Variants in CHST11 observed in about 807,000 individuals in gnomAD.
The protein encoded by CHST11 is C4S-1.
In CHST11, 9 loss-of-function variants were observed where a neutral mutation model predicts 30.4. That is an observed-to-expected ratio of 0.30 (90% confidence interval 0.18 to 0.52). The LOEUF (loss-of-function observed/expected upper bound fraction) is 0.52, where lower values mean the gene tolerates loss of function less well. Ranked by LOEUF, CHST11 falls within the 20% of genes least tolerant of loss-of-function variation. The pLI is 0.97. For synonymous variants in CHST11, 152 were observed against 187.8 expected (o/e 0.81, Z 1.56); for missense variants, 348 against 460.6 (o/e 0.76, Z 2.24).
intron 2 of CHST11, among the ~76,000 whole-genome samples, chr12:104,626,850 A>G (rs1268221851): frequency 2.6e-5 from 4 of 152,030 alleles, no homozygotes; most frequent in African/African-American, 9.7e-5. Context: ...ATGAACCTGT[A>G]TTGACATGTC....
intron 2 of CHST11, among the ~76,000 whole-genome samples, chr12:104,677,808 G>T (rs568627386): frequency 4.6e-5 from 7 of 152,358 alleles, no homozygotes; most frequent in African/African-American, 1.7e-4. Context: ...TTTCCAAGGG[G>T]CCCTGCTTGC....
chr12:104,732,981 C>T (rs542222100), intron 2 of CHST11, among the ~76,000 whole-genome samples: 1 of 152,254 alleles, frequency 6.6e-6, no homozygotes, highest in Non-Finnish European at 1.5e-5. Flanking sequence ...TGACATGCAT[C>T]GTCTCACTTA....
chr12:104,757,231 A>T lies in CHST11; in HGVS notation c.487A>T (p.Thr163Ser), dbSNP rs2040485565. Residue 163 changes from threonine (T) to serine (S), a missense_variant, in exon 3 of 3, where the codon ACC becomes TCC. Coordinates refer to ENST00000303694, the MANE Select transcript of CHST11 (RefSeq NM_018413.6). This position sits in a 1 kb window ranked among gnomAD's most constrained non-coding sequence, Gnocchi z 6.5. Reference protein sequence around the residue: ...NEAHVSANLKTLNQYSIPEIN... With the variant: ...NEAHVSANLKSLNQYSIPEIN... The stretch of plus-strand genomic sequence containing the variant: ...GGCACACGTCTCCGCCAACCTGAAG[A>T]CCCTGAACCAGTACAGCATCCCAGA... 2 of 1,613,898 alleles carry T rather than the reference A, an allele frequency of 1.2e-6. No homozygotes were observed. The highest frequency in any genetic ancestry group is 1.7e-6 in the Non-Finnish European group (2 of 1,180,006).
chr12:104,692,611 A>G (rs749083664), intron 2 of CHST11, among the ~76,000 whole-genome samples: 2 of 152,134 alleles, frequency 1.3e-5, no homozygotes, highest in Non-Finnish European at 2.9e-5. Context: ...GCCCCTGGCC[A>G]CAGACCCGTA....
intron 2 of CHST11, among the ~76,000 whole-genome samples, chr12:104,648,963 A>G (rs1275796693): frequency 6.6e-6 from 1 of 152,144 alleles, no homozygotes; most frequent in African/African-American, 2.4e-5. Flanking sequence ...CAGGGGAAAT[A>G]CACCCTTACT....
intron 1 of CHST11, among the ~76,000 whole-genome samples, chr12:104,513,364 G>C (rs1018482602): frequency 7.2e-5 from 11 of 152,084 alleles, no homozygotes; most frequent in African/African-American, 2.7e-4. Flanking sequence ...CTCAGATTTG[G>C]GAGGTAAATC....
At chr12:104,698,317 A>C (rs1262971253) in intron 2 of CHST11, among the ~76,000 whole-genome samples, 3 of 152,174 alleles carry the variant, frequency 2.0e-5, no homozygotes, top group African/African-American at 7.2e-5. Context: ...GCACTTGATG[A>C]CAATGTTCTT....
chr12:104,532,107 T>C (rs944079295), intron 1 of CHST11, among the ~76,000 whole-genome samples: 3 of 152,088 alleles, frequency 2.0e-5, no homozygotes, highest in African/African-American at 7.2e-5. Flanking sequence ...TCTCCCACCG[T>C]CTCTTTCCCT....
chr12:104,706,091 CAGAT>C (rs1274931183), intron 2 of CHST11, among the ~76,000 whole-genome samples: 1 of 151,396 alleles, frequency 6.6e-6, no homozygotes, highest in Non-Finnish European at 1.5e-5. Flanking sequence ...ATCTCAAAAA[CAGAT>C]AGATATTGGT....
At chr12:104,707,718 A>T (rs1413416897) in intron 2 of CHST11, among the ~76,000 whole-genome samples, 1 of 152,244 alleles carries the variant, frequency 6.6e-6, no homozygotes, top group Non-Finnish European at 1.5e-5. Context: ...CTCCACTGAC[A>T]TACATGGGAT....
At chr12:104,537,076 C>T (rs746688463) in intron 1 of CHST11, among the ~76,000 whole-genome samples, 1 of 152,190 alleles carries the variant, frequency 6.6e-6, no homozygotes, top group African/African-American at 2.4e-5. Flanking sequence ...TGGTTACACA[C>T]CACATTGCAC....
chr12:104,523,425 G>C (rs1159476323), intron 1 of CHST11, among the ~76,000 whole-genome samples: 1 of 152,082 alleles, frequency 6.6e-6, no homozygotes, highest in African/African-American at 2.4e-5. Flanking sequence ...AATCTACCTG[G>C]GTATAACCTG....
At chr12:104,722,415 C>A (rs1327831489) in intron 2 of CHST11, among the ~76,000 whole-genome samples, 1 of 152,162 alleles carries the variant, frequency 6.6e-6, no homozygotes, top group Non-Finnish European at 1.5e-5. Context: ...CCAAACTCAG[C>A]ACTGCCCTAA....
chr12:104,747,609 A>G (rs369692174), intron 2 of CHST11, among the ~76,000 whole-genome samples: 1 of 152,210 alleles, frequency 6.6e-6, no homozygotes, highest in South Asian at 2.1e-4. Context: ...CCCTCCCCCA[A>G]TTCTGAAACA....
intron 2 of CHST11, among the ~76,000 whole-genome samples, chr12:104,717,911 C>T (rs2040144100): frequency 1.3e-5 from 2 of 152,126 alleles, no homozygotes. Flanking sequence ...GATTGTGCCA[C>T]TGCACTCCAG....
Position 104,752,943 on chromosome 12 carries a change from A to G in CHST11, c.205-4006A>G, listed in dbSNP as rs556017698. Among the ~76,000 whole-genome samples, 470 of 152,316 alleles carry G rather than the reference A, an allele frequency of 3.1e-3. 3 individuals carry two copies. Among genetic ancestry groups the G allele is most frequent in the African/African-American group, 0.011 (454 of 41,560 alleles). Reference sequence around the variant, plus strand: ...AACCAACACTTATGGAGCATCTCCTATGGGGCTGGCACTTTTGCAAGCACC... The same window carrying G: ...AACCAACACTTATGGAGCATCTCCTGTGGGGCTGGCACTTTTGCAAGCACC... On this transcript the variant is annotated intron_variant, in intron 2 of 2. Coordinates refer to ENST00000303694, the MANE Select transcript of CHST11 (RefSeq NM_018413.6).
chr12:104,603,424 C>T (rs753061581), intron 2 of CHST11, among the ~76,000 whole-genome samples: 21 of 152,154 alleles, frequency 1.4e-4, no homozygotes, highest in Non-Finnish European at 2.2e-4. Context: ...CTGAAGTCAC[C>T]GCCCCTGTGG....
chr12:104,589,323 A>G (rs1225211520), intron 1 of CHST11, among the ~76,000 whole-genome samples: 1 of 151,542 alleles, frequency 6.6e-6, no homozygotes, highest in African/African-American at 2.4e-5. Context: ...ATTGCTTGAG[A>G]CTGGAAGGCA....
chr12:104,735,551 G>C (rs560002431), intron 2 of CHST11, among the ~76,000 whole-genome samples: 1 of 152,332 alleles, frequency 6.6e-6, no homozygotes, highest in Admixed American at 6.5e-5. Flanking sequence ...AGGAAGTGAG[G>C]AATATGGTGA....
Sources: gnomAD v4.1 joint callset for allele counts (sites outside exome capture counted in the v4.1 genomes callset) on GRCh38, gnomAD v4.1.1 for gene constraint, Gnocchi (gnomAD v3.1) non-coding constraint, MANE v1.5 for transcripts, NCBI Gene and HGNC (gene_info 2026-07-23, HGNC 2026-07-21) for gene names.